The following FOXP2 variants were observed in gnomAD, a reference collection of about 807,000 sequenced individuals.
FOXP2 encodes the protein forkhead box protein P2.
Under a neutral mutation model 115.8 loss-of-function variants are expected in FOXP2, and 12 were observed. That is an observed-to-expected ratio of 0.10 (90% confidence interval 0.07 to 0.17). The LOEUF (loss-of-function observed/expected upper bound fraction) is 0.17. Ranked by LOEUF, FOXP2 falls within the 10% of genes least tolerant of loss-of-function variation. FOXP2 has a pLI of 1.00. For missense variants in FOXP2, 629 were observed against 843.5 expected (o/e 0.75, Z 3.15); for synonymous variants, 328 against 297.7 (o/e 1.10, Z -1.05).
chr7:114,456,517 T>A (rs1389982078), intron 2 of FOXP2, among the ~76,000 whole-genome samples: 6 of 152,170 alleles, frequency 3.9e-5, no homozygotes, highest in African/African-American at 1.4e-4. Flanking sequence ...AATTATGAGA[T>A]TAAACAAGAT....
chr7:114,168,886 G>A (rs1007526710), intron 1 of FOXP2, among the ~76,000 whole-genome samples: 8 of 152,206 alleles, frequency 5.3e-5, no homozygotes, highest in Non-Finnish European at 8.8e-5. Context: ...TCCAGCCATA[G>A]CTGAAAGGGA....
intron 2 of FOXP2, among the ~76,000 whole-genome samples, chr7:114,334,915 T>A (rs1584645073): frequency 3.0e-5 from 4 of 133,084 alleles, no homozygotes; most frequent in Non-Finnish European, 3.2e-5. Context: ...TATATATATT[T>A]TATATATATA....
At chr7:114,584,642 A>G (rs186045583) in intron 3 of FOXP2, among the ~76,000 whole-genome samples, 54 of 152,288 alleles carry the variant, frequency 3.5e-4, no homozygotes, top group African/African-American at 1.2e-3. Context: ...ACTCTCAAAA[A>G]TAATTAAATA....
chr7:114,562,476 C>T (rs1187576652), intron 3 of FOXP2, among the ~76,000 whole-genome samples: 1 of 152,072 alleles, frequency 6.6e-6, no homozygotes, highest in African/African-American at 2.4e-5. Context: ...GCAAGAACTC[C>T]CTCTGCCTCT....
At chr7:114,444,559 T>A (rs1794747208) in intron 2 of FOXP2, among the ~76,000 whole-genome samples, 3 of 152,166 alleles carry the variant, frequency 2.0e-5, no homozygotes, top group Admixed American at 6.6e-5. Context: ...TATTAATTGG[T>A]ATATGAATTG....
At chr7:114,524,188 CT>C (rs1056683491) in intron 2 of FOXP2, among the ~76,000 whole-genome samples, 1 of 151,774 alleles carries the variant, frequency 6.6e-6, no homozygotes, top group African/African-American at 2.4e-5. Flanking sequence ...TAATATTGGC[CT>C]TTTTTTCTGT....
chr7:114,481,610 C>G (rs1015690325), intron 2 of FOXP2, among the ~76,000 whole-genome samples: 2 of 151,362 alleles, frequency 1.3e-5, no homozygotes, highest in Non-Finnish European at 3.0e-5. Flanking sequence ...AATCACTCTT[C>G]TCTACTGACT....
At chr7:114,151,305 A>T (rs1562982805) in intron 1 of FOXP2, among the ~76,000 whole-genome samples, 1 of 152,024 alleles carries the variant, frequency 6.6e-6, no homozygotes, top group African/African-American at 2.4e-5. Flanking sequence ...AATTTCAAGG[A>T]TATACAGCTG....
At chr7:114,273,397 G>C (rs1796113983) in intron 1 of FOXP2, among the ~76,000 whole-genome samples, 1 of 151,978 alleles carries the variant, frequency 6.6e-6, no homozygotes, top group Non-Finnish European at 1.5e-5. Context: ...ATGTGAGCTT[G>C]AGAAGAATGA....
chr7:114,591,195 G>A (rs1027709408), intron 3 of FOXP2, among the ~76,000 whole-genome samples: 8 of 152,062 alleles, frequency 5.3e-5, no homozygotes, highest in Non-Finnish European at 1.0e-4. Context: ...ATTGGACACC[G>A]ATTACCTTGA....
At chr7:114,484,866 G>T (rs1796708100) in intron 2 of FOXP2, among the ~76,000 whole-genome samples, 1 of 151,678 alleles carries the variant, frequency 6.6e-6, no homozygotes, top group Non-Finnish European at 1.5e-5. Flanking sequence ...AGCTTTTTGG[G>T]TTATTTTTTA....
intron 2 of FOXP2, among the ~76,000 whole-genome samples, chr7:114,533,458 G>C (rs1463312688): frequency 6.6e-6 from 1 of 151,860 alleles, no homozygotes; most frequent in Non-Finnish European, 1.5e-5. Context: ...TGCACATCTT[G>C]TCAAAGCAAC....
At chr7:114,615,107 T>C (rs778827018) in intron 3 of FOXP2, among the ~76,000 whole-genome samples, 1 of 152,052 alleles carries the variant, frequency 6.6e-6, no homozygotes, top group Non-Finnish European at 1.5e-5. Flanking sequence ...TAATCCCAGC[T>C]ACTCGTGAGG....
intron 2 of FOXP2, among the ~76,000 whole-genome samples, chr7:114,356,789 T>C (rs536830782): frequency 6.6e-6 from 1 of 152,294 alleles, no homozygotes; most frequent in African/African-American, 2.4e-5. Context: ...ATTCCCTGGC[T>C]TTTGTAGATG....
intron 3 of FOXP2, among the ~76,000 whole-genome samples, chr7:114,577,082 G>A (rs183660857): frequency 6.6e-6 from 1 of 151,920 alleles, no homozygotes; most frequent in Non-Finnish European, 1.5e-5. Flanking sequence ...TTTTCATTAG[G>A]TGAGTGAATT....
intron 3 of FOXP2, among the ~76,000 whole-genome samples, chr7:114,591,897 T>C (rs1802455299): frequency 6.6e-6 from 1 of 152,094 alleles, no homozygotes; most frequent in African/African-American, 2.4e-5. Flanking sequence ...CCACTAGCCA[T>C]ATGTGGCTAT....
At chr7:114,567,697 C>A (rs992798023) in intron 3 of FOXP2, among the ~76,000 whole-genome samples, 3 of 152,060 alleles carry the variant, frequency 2.0e-5, no homozygotes, top group Non-Finnish European at 4.4e-5. Flanking sequence ...AGATCCATTT[C>A]TAAATGACTG....
intron 1 of FOXP2, among the ~76,000 whole-genome samples, chr7:114,157,193 T>C (rs999030892): frequency 6.6e-6 from 1 of 152,126 alleles, no homozygotes; most frequent in Non-Finnish European, 1.5e-5. Context: ...AAAACACAGA[T>C]GAATAATACA....
At chr7:114,253,019 A>G (rs1425623587) in intron 1 of FOXP2, among the ~76,000 whole-genome samples, 1 of 152,140 alleles carries the variant, frequency 6.6e-6, no homozygotes, top group African/African-American at 2.4e-5. Context: ...TTCCAAGAAC[A>G]TCATTATTTC....
Sources: gnomAD v4.1 joint callset for allele counts (sites outside exome capture counted in the v4.1 genomes callset) on GRCh38, gnomAD v4.1.1 for gene constraint, MANE v1.5 for transcripts, NCBI Gene and HGNC (gene_info 2026-07-23, HGNC 2026-07-21) for gene names.